The following NEBL variants were observed in gnomAD, a reference collection of about 807,000 sequenced individuals.
NEBL encodes nebulette.
NEBL carries 122 observed loss-of-function variants against 140.2 expected under a neutral mutation model. The observed-to-expected ratio is 0.87, with a 90% CI of 0.75 to 1.01. The LOEUF (loss-of-function observed/expected upper bound fraction) is 1.01. Ranked by LOEUF, NEBL falls within the 50% of genes least tolerant of loss-of-function variation. NEBL has a pLI of 0.00. For missense variants in NEBL, 1,365 were observed against 1,231.3 expected, an observed-to-expected ratio of 1.11 and a Z score of -1.62; for synonymous variants, 436 against 398.9, an observed-to-expected ratio of 1.09 and a Z score of -1.11.
At position 20,831,519 on chromosome 10, in the gene NEBL, GTGTC is replaced by G. The variant is rs745728544; in HGVS notation, c.1510_1513del (p.Asp504LeufsTer23). ...TTTCTTAGCTCTCTGGACATCAAGA[GTGTC>G]TGTGCTCACCTGCATCCCTTTCCCT... On this transcript the variant is annotated frameshift_variant, in exon 15 of 28. Transcript: ENST00000377122. LOFTEE classifies it high-confidence loss of function. The G allele has an allele frequency of 2.5e-6, 4 of 1,612,366 alleles. No individual in the cohort carries two copies. Among genetic ancestry groups the G allele is most frequent in the Non-Finnish European group, 3.4e-6 (4 of 1,179,466 alleles).
At chr10:20,887,712 C>T (rs1402791779) in intron 4 of NEBL, among the ~76,000 whole-genome samples, 3 of 152,142 alleles carry the variant, frequency 2.0e-5, no homozygotes, top group African/African-American at 7.2e-5. Context: ...CCAGAGTGTC[C>T]AGCCCCATTA....
intron 2 of NEBL, among the ~76,000 whole-genome samples, chr10:21,028,608 A>G (rs1383509676): frequency 1.3e-5 from 2 of 152,222 alleles, no homozygotes; most frequent in Non-Finnish European, 2.9e-5. Context: ...TCTATCCTTC[A>G]TGAGAAAGGT....
intron 3 of NEBL, among the ~76,000 whole-genome samples, chr10:20,991,720 G>A (rs947462627): frequency 6.6e-6 from 1 of 151,570 alleles, no homozygotes; most frequent in Admixed American, 6.6e-5. Context: ...CCCAGGTAGT[G>A]AACATAGTAC....
rs1462975179 is a variant in NEBL at position 21,164,883 on chromosome 10, CA to C, written c.164+7499del. Among the ~76,000 whole-genome samples the C allele has an allele frequency of 1.3e-4, 20 of 152,134 alleles. 1 individual carries two copies. The highest frequency in any genetic ancestry group is 1.5e-5 in the Non-Finnish European group (1 of 68,028). On this transcript the variant is annotated intron_variant, in intron 2 of 6. Transcript: ENST00000417816. The stretch of plus-strand genomic sequence containing the variant: ...CATCCTGTCACGTCAGATACTGTGT[CA>C]AGGGGCAAAGGTTTAATTTTTTCCA...
At chr10:21,125,864 A>T in intron 2 of NEBL, 2 of 1,613,806 alleles carry the variant, frequency 1.2e-6, no homozygotes, top group Non-Finnish European at 1.7e-6. Context: ...GATACGTTGA[A>T]CTTTTCTTTT....
At chr10:21,269,741 A>G (rs1227874146) in intron 1 of NEBL, among the ~76,000 whole-genome samples, 1 of 152,218 alleles carries the variant, frequency 6.6e-6, no homozygotes, top group Non-Finnish European at 1.5e-5. Flanking sequence ...TGTAGGGAAT[A>G]TATTTGCATA....
At chr10:21,184,450 G>A (rs529158996) in intron 3 of NEBL, among the ~76,000 whole-genome samples, 7 of 152,224 alleles carry the variant, frequency 4.6e-5, no homozygotes, top group Admixed American at 6.5e-5. Context: ...AAAAGTGCAC[G>A]GTACACAATG....
chr10:21,233,502 T>A (rs1842293009), intron 3 of NEBL, among the ~76,000 whole-genome samples: 1 of 151,208 alleles, frequency 6.6e-6, no homozygotes, highest in Non-Finnish European at 1.5e-5. Flanking sequence ...TATGCATACA[T>A]AACTATATCT....
chr10:21,097,362 G>A (rs1482785255), intron 2 of NEBL, among the ~76,000 whole-genome samples: 1 of 152,092 alleles, frequency 6.6e-6, no homozygotes, highest in Non-Finnish European at 1.5e-5. Flanking sequence ...AGGAGGCTGA[G>A]GCAGGAGAAT....
At chr10:20,970,431 G>A (rs1296190667) in intron 3 of NEBL, among the ~76,000 whole-genome samples, 1 of 152,006 alleles carries the variant, frequency 6.6e-6, no homozygotes, top group African/African-American at 2.4e-5. Context: ...TTGAGCCCAG[G>A]AGTTCAAGAC....
intron 3 of NEBL, among the ~76,000 whole-genome samples, chr10:20,990,478 G>GA (rs1837416489): frequency 6.6e-6 from 1 of 152,172 alleles, no homozygotes; most frequent in African/African-American, 2.4e-5. Flanking sequence ...ACAGAGAGAA[G>GA]ACAGCCATCT....
At chr10:20,823,102 G>T (rs1000882325) in intron 19 of NEBL, 106 bp downstream of exon 19, 66 of 802,908 alleles carry the variant, frequency 8.2e-5, no homozygotes, top group Non-Finnish European at 2.6e-5. Flanking sequence ...CGATCCTCTC[G>T]CAATGAGGTT....
At chr10:20,995,889 AC>A (rs150028940) in intron 3 of NEBL, among the ~76,000 whole-genome samples, 2,782 of 151,946 alleles carry the variant, frequency 0.018, 75 homozygotes, top group African/African-American at 0.061. Flanking sequence ...CCACCAACTT[AC>A]CCTTTGTGGG....
At chr10:20,996,158 G>A (rs2131699462) in intron 3 of NEBL, among the ~76,000 whole-genome samples, 1 of 152,284 alleles carries the variant, frequency 6.6e-6, no homozygotes, top group East Asian at 1.9e-4. Flanking sequence ...GCTTCTTACA[G>A]CAAGTGAAAC....
intron 20 of NEBL, chr10:20,819,060 T>A: frequency 9.6e-7 from 1 of 1,036,664 alleles, no homozygotes; most frequent in Non-Finnish European, 1.2e-6. Context: ...GTTGCTCAAA[T>A]TCATTTTCTT....
At chr10:20,798,650 C>T (rs1293463130) in intron 26 of NEBL, among the ~76,000 whole-genome samples, 1 of 152,194 alleles carries the variant, frequency 6.6e-6, no homozygotes, top group South Asian at 2.1e-4. Context: ...AAAGCTTTCT[C>T]ATTTGACACA....
intron 2 of NEBL, among the ~76,000 whole-genome samples, chr10:21,043,801 T>C (rs191777295): frequency 1.0e-4 from 14 of 138,698 alleles, no homozygotes; most frequent in African/African-American, 4.5e-4. Context: ...TTATTCAACA[T>C]AGATGCATCA....
intron 26 of NEBL, among the ~76,000 whole-genome samples, chr10:20,798,425 T>C (rs1226193866): frequency 6.6e-6 from 1 of 152,164 alleles, no homozygotes; most frequent in Non-Finnish European, 1.5e-5. Context: ...ACTGTGGAGA[T>C]CACATTATGA....
intron 4 of NEBL, among the ~76,000 whole-genome samples, chr10:20,933,279 C>A (rs1589033781): frequency 1.3e-5 from 2 of 152,216 alleles, no homozygotes; most frequent in East Asian, 3.9e-4. Flanking sequence ...AAGAAAGTGT[C>A]AATTTTTTAA....
Sources: allele counts gnomAD v4.1 joint callset (sites outside exome capture counted in the v4.1 genomes callset), GRCh38; gene constraint gnomAD v4.1.1; transcripts MANE v1.5; gene names NCBI Gene and HGNC (gene_info 2026-07-23, HGNC 2026-07-21).